SOX6: variants seen among roughly 807,000 people sequenced by gnomAD.
The protein encoded by SOX6 is transcription factor SOX-6.
SOX6 carries 11 observed loss-of-function variants against 97.8 expected under a neutral mutation model. The ratio of observed to expected loss-of-function variants is 0.11; its 90% CI spans 0.07 to 0.19. The LOEUF (loss-of-function observed/expected upper bound fraction) is 0.19, where lower values mean the gene tolerates loss of function less well. Among genes scored for constraint, SOX6 ranks in the 10% least tolerant of loss-of-function variants. The pLI, the probability that SOX6 is intolerant of heterozygous loss-of-function variation, is 1.00. For synonymous variants in SOX6, 360 were observed against 371.4 expected, an observed-to-expected ratio of 0.97 and a Z score of 0.35; for missense variants, 810 against 1,039.5, an observed-to-expected ratio of 0.78 and a Z score of 3.04.
chr11:16,212,217 T>A (rs893711253), intron 4 of SOX6, among the ~76,000 whole-genome samples: 3 of 152,110 alleles, frequency 2.0e-5, no homozygotes, highest in African/African-American at 7.2e-5. Context: ...TTAGCTCTAA[T>A]ACCAGAAGAT....
At chr11:16,075,448 C>A (rs186538160) in intron 9 of SOX6, among the ~76,000 whole-genome samples, 107 of 152,260 alleles carry the variant, frequency 7.0e-4, no homozygotes, top group African/African-American at 2.5e-3. Context: ...AAATGTGACA[C>A]ATATACACCA....
At chr11:16,067,607 A>G (rs969344162) in intron 9 of SOX6, among the ~76,000 whole-genome samples, 2 of 152,172 alleles carry the variant, frequency 1.3e-5, no homozygotes, top group Non-Finnish European at 2.9e-5. Flanking sequence ...CAGCATGAGG[A>G]TGGACTAATG....
intron 1 of SOX6, among the ~76,000 whole-genome samples, chr11:16,473,088 GT>G (rs1860170694): frequency 6.6e-6 from 1 of 151,950 alleles, no homozygotes; most frequent in South Asian, 2.1e-4. Flanking sequence ...GGTTTTTAAA[GT>G]TCATTCAATT....
intron 3 of SOX6, among the ~76,000 whole-genome samples, chr11:16,246,039 T>C (rs1047954573): frequency 1.3e-5 from 2 of 151,450 alleles, no homozygotes; most frequent in Non-Finnish European, 3.0e-5. Context: ...ATTCTACTTA[T>C]CTCCTTTGTT....
rs544208611 is a variant in SOX6, at chr11:16,362,455, A to C, written c.-4-21203T>G. Among the ~76,000 whole-genome samples the C allele has an allele frequency of 1.8e-4, 28 of 152,280 alleles. No homozygotes were observed. In the South Asian group the frequency reaches 5.6e-3, roughly 30 times the overall value. On this transcript the variant is annotated intron_variant, in intron 1 of 15. Transcript: ENST00000396356. ...CACCATAGTTGTGTGATAGACACTCAAAAAAGCCCCATGACTCAATTCAGG... is the reference window on the plus strand; with the variant it reads ...CACCATAGTTGTGTGATAGACACTCCAAAAAGCCCCATGACTCAATTCAGG...
chr11:16,010,971 A>G (rs1233175711), intron 13 of SOX6, among the ~76,000 whole-genome samples: 1 of 152,080 alleles, frequency 6.6e-6, no homozygotes, highest in African/African-American at 2.4e-5. Flanking sequence ...GTCAAATCCA[A>G]CATACCTTTT....
intron 4 of SOX6, among the ~76,000 whole-genome samples, chr11:16,486,000 A>G (rs1185970310): frequency 1.6e-4 from 10 of 60,614 alleles, no homozygotes; most frequent in African/African-American, 2.2e-4. Context: ...GGGGAGGGGA[A>G]GGAAGGGAAT....
chr11:16,436,103 C>T (rs1425624816), intron 1 of SOX6, among the ~76,000 whole-genome samples: 1 of 152,152 alleles, frequency 6.6e-6, no homozygotes, highest in African/African-American at 2.4e-5. Flanking sequence ...ATTTGATACT[C>T]ATATATCAAA....
chr11:16,046,567 C>T lies in SOX6; in HGVS notation c.1570G>A (p.Gly524Arg). 1.9e-6 allele frequency: 3 copies of T among 1,613,742 alleles called. No individual in the cohort carries two copies. The highest frequency in any genetic ancestry group is 2.2e-5 in the South Asian group (2 of 91,084). Residue 524 changes from glycine to arginine, a missense_variant, in exon 12 of 16, where the codon GGG becomes AGG. By Grantham distance (125) the Gly-to-Arg change is moderately radical. Around this residue, in one of 9 missense-constraint regions of SOX6, gnomAD observed 120 missense variants for 127.0 expected, o/e 0.94. Transcript: ENST00000683767. ...ATATTATTTATGGAGGACAGTTTCC[C>T]GTCAACACCATGTGGCTGTTGCTGC... ...QQQQQPHGVD[G>R]KLSSINNMGL...
intron 4 of SOX6, chr11:16,567,376 C>T (rs181855951): frequency 1.3e-5 from 2 of 152,178 alleles, no homozygotes; most frequent in East Asian, 1.9e-4. Flanking sequence ...TGTTTCTTCT[C>T]ACCTAAAAAA....
At chr11:16,725,334 G>GACA (rs1014451946) in intron 2 of SOX6, among the ~76,000 whole-genome samples, 1 of 152,110 alleles carries the variant, frequency 6.6e-6, no homozygotes, top group Non-Finnish European at 1.5e-5. Flanking sequence ...CACCGGTGTG[G>GACA]ACAACATGGT....
intron 6 of SOX6, among the ~76,000 whole-genome samples, chr11:16,172,065 T>G (rs533816466): frequency 4.0e-5 from 6 of 151,834 alleles, no homozygotes; most frequent in Non-Finnish European, 8.8e-5. Flanking sequence ...TGAGACTGCC[T>G]GAACCCACCC....
intron 3 of SOX6, among the ~76,000 whole-genome samples, chr11:16,699,849 T>C (rs900790433): frequency 2.0e-5 from 3 of 152,206 alleles, no homozygotes; most frequent in Non-Finnish European, 4.4e-5. Flanking sequence ...TCACACAGAA[T>C]GCAAATCCTT....
chr11:16,297,694 A>G (rs1855138686), intron 3 of SOX6, among the ~76,000 whole-genome samples: 1 of 152,320 alleles, frequency 6.6e-6, no homozygotes, highest in African/African-American at 2.4e-5. Flanking sequence ...GCTATGCTGG[A>G]GACAGAGTCA....
chr11:16,693,430 T>A (rs1231178543), intron 3 of SOX6, among the ~76,000 whole-genome samples: 1 of 152,146 alleles, frequency 6.6e-6, no homozygotes, highest in Non-Finnish European at 1.5e-5. Flanking sequence ...AGTGATGTTT[T>A]CTATCCAGTT....
Position 16,283,089 on chromosome 11 carries a change from G to GCATA in SOX6, c.445+35356_445+35357insTATG, listed in dbSNP as rs1554952961. On this transcript the variant is annotated intron_variant, in intron 3 of 15. Coordinates refer to ENST00000683767, the MANE Select transcript of SOX6 (RefSeq NM_001367873.1). ...TATATATGTAAATTATATATAATTTGTATATATATATATATATATATATAT... is the reference window on the plus strand; with the variant it reads ...TATATATGTAAATTATATATAATTTGCATATATATATATATATATATATATATAT... Among the ~76,000 whole-genome samples the GCATA allele has an allele frequency of 4.0e-4, 46 of 113,696 alleles. 1 individual carries two copies. The highest frequency in any genetic ancestry group is 7.6e-4 in the Non-Finnish European group (43 of 56,632). The allele number at this position is 113,696 out of a possible 152,430, so 74.6% of individuals were successfully genotyped here.
intron 3 of SOX6, among the ~76,000 whole-genome samples, chr11:16,237,031 GCC>G (rs1565038954): frequency 5.1e-4 from 78 of 151,908 alleles, no homozygotes; most frequent in Non-Finnish European, 9.0e-4. Context: ...TACATTTTCA[GCC>G]ATGAAAATAT....
intron 9 of SOX6, among the ~76,000 whole-genome samples, chr11:16,089,105 T>C (rs1251858654): frequency 1.3e-5 from 2 of 152,144 alleles, no homozygotes; most frequent in Non-Finnish European, 2.9e-5. Context: ...ATGCAGTTTA[T>C]TGGAAATTAA....
At chr11:16,140,382 T>C (rs1321350974) in intron 6 of SOX6, among the ~76,000 whole-genome samples, 1 of 152,170 alleles carries the variant, frequency 6.6e-6, no homozygotes, top group Admixed American at 6.5e-5. Flanking sequence ...TACTGTTTCC[T>C]CCCTTTCATT....
Sources: gnomAD v4.1 joint callset for allele counts (sites outside exome capture counted in the v4.1 genomes callset) on GRCh38, gnomAD v4.1.1 for gene constraint, gnomAD v4.1.1 regional missense constraint, MANE v1.5 for transcripts, NCBI Gene and HGNC (gene_info 2026-07-23, HGNC 2026-07-21) for gene names.